The following UFC1 variants were observed in gnomAD, a reference collection of about 807,000 sequenced individuals.
UFC1 encodes ubiquitin-fold modifier-conjugating enzyme 1.
In UFC1, 22 loss-of-function variants were observed where a neutral mutation model predicts 28.0. The observed-to-expected ratio is 0.78, with a 90% CI of 0.56 to 1.12. The LOEUF is 1.12. Ranked by LOEUF, UFC1 falls within the 50% of genes most tolerant of loss-of-function variation. The probability of loss-of-function intolerance (pLI) is 0.00; values close to 1 mark genes in which losing one functional copy is unlikely to be tolerated. For missense variants in UFC1, 189 were observed against 207.8 expected, an observed-to-expected ratio of 0.91 and a Z score of 0.56; for synonymous variants, 61 against 74.5, an observed-to-expected ratio of 0.82 and a Z score of 0.93.
chr1:161,158,241 G>C, intron 5 of UFC1, 30 bp downstream of exon 5: 1 of 1,609,414 alleles, frequency 6.2e-7, no homozygotes, highest in Non-Finnish European at 8.5e-7. Flanking sequence ...CATAAAAGGA[G>C]AAAGAGGGAC....
chr1:161,157,335 G>A lies in UFC1; in HGVS notation c.255+18G>A, dbSNP rs1030535054. The A allele has an allele frequency of 1.2e-6, 2 of 1,613,980 alleles. No individual in the cohort carries two copies. The highest frequency in any genetic ancestry group is 1.3e-5 in the African/African-American group (1 of 74,920). On this transcript the variant is annotated intron_variant, in intron 3 of 5. Coordinates refer to ENST00000368003, the MANE Select transcript of UFC1 (RefSeq NM_016406.4). ...AGTTTGACGTGAGTGTGATAGAGTG[G>A]GAAATATGAAGGTTAGTAGAAGGGG...
Position 161,158,690 on chromosome 1 carries a change from C to T in UFC1, c.*198C>T. On this transcript the variant is annotated 3_prime_UTR_variant, in exon 6 of 6. Coordinates refer to ENST00000368003, the MANE Select transcript of UFC1 (RefSeq NM_016406.4). ...TACTGCTACTTAGTTTCTAAGGCTG[C>T]ACAGGGAAGGGAAAGACTGGGCTTT... 1.6e-6 allele frequency: 1 copy of T among 616,904 alleles called. No homozygotes were observed. The highest frequency in any genetic ancestry group is 2.9e-6 in the Non-Finnish European group (1 of 348,030). The allele number at this position is 616,904 out of a possible 1,614,324, so 38.2% of individuals were successfully genotyped here.
At chr1:161,156,605 G>A (rs561822439) in intron 1 of UFC1, among the ~76,000 whole-genome samples, 25 of 151,286 alleles carry the variant, frequency 1.7e-4, no homozygotes, top group Non-Finnish European at 2.9e-4. Flanking sequence ...ACTTTGGGAG[G>A]CCAAGGCAGG....
intron 1 of UFC1, 110 bp from the exon 2 acceptor site, chr1:161,156,840 C>A: frequency 3.0e-6 from 3 of 994,682 alleles, no homozygotes; most frequent in East Asian, 2.5e-5. Context: ...GAGATTCCAT[C>A]TCAATAAAAA....
At chr1:161,155,673 T>C (rs1657487927) in intron 1 of UFC1, among the ~76,000 whole-genome samples, 1 of 152,066 alleles carries the variant, frequency 6.6e-6, no homozygotes, top group Non-Finnish European at 1.5e-5. Context: ...GAGAGGTAGA[T>C]TTGTAGAATA....
intron 1 of UFC1, among the ~76,000 whole-genome samples, chr1:161,155,100 G>T (rs976873951): frequency 6.6e-6 from 1 of 152,202 alleles, no homozygotes; most frequent in Non-Finnish European, 1.5e-5. Context: ...TTATAATACA[G>T]TGTTTAAGTG....
At chr1:161,157,205 A>G (rs775935466) in intron 2 of UFC1, 49 bp from the exon 3 acceptor site, 2 of 1,609,864 alleles carry the variant, frequency 1.2e-6, no homozygotes, top group Non-Finnish European at 1.7e-6. Flanking sequence ...ATATCATTTG[A>G]GTACTGGAAG....
At chr1:161,154,153 A>G (rs1203150338) in intron 1 of UFC1, 33 bp downstream of exon 1, 5 of 1,612,896 alleles carry the variant, frequency 3.1e-6, no homozygotes, top group South Asian at 1.1e-5. Flanking sequence ...AACGCGTAGC[A>G]TAAGGGTTGG....
intron 1 of UFC1, 83 bp downstream of exon 1, chr1:161,154,203 G>A: frequency 6.4e-7 from 1 of 1,562,518 alleles, no homozygotes. Context: ...CCGTGTGGAA[G>A]CCGCTTCCGG....
chr1:161,158,307 G>T, intron 5 of UFC1, 96 bp downstream of exon 5: 1 of 1,566,494 alleles, frequency 6.4e-7, no homozygotes, highest in Middle Eastern at 1.7e-4. Context: ...TAACAGTGAT[G>T]TCCCTTAAGC....
intron 1 of UFC1, among the ~76,000 whole-genome samples, chr1:161,156,005 T>C (rs1474014993): frequency 6.6e-6 from 1 of 152,122 alleles, no homozygotes; most frequent in Non-Finnish European, 1.5e-5. Flanking sequence ...ACCAGGACTA[T>C]ATGAGGCTAG....
intron 3 of UFC1, 48 bp downstream of exon 3, chr1:161,157,365 A>T: frequency 6.2e-7 from 1 of 1,602,354 alleles, no homozygotes; most frequent in South Asian, 1.1e-5. Context: ...AAGGGGAGGG[A>T]TTAGATGATG....
At chr1:161,156,515 G>C (rs971047285) in intron 1 of UFC1, among the ~76,000 whole-genome samples, 3 of 134,922 alleles carry the variant, frequency 2.2e-5, no homozygotes, top group African/African-American at 8.5e-5. Context: ...CTCCAGTCTG[G>C]GTGACAGAGC....
chr1:161,156,934 C>A lies in UFC1; in HGVS notation c.124-16C>A. The stretch of plus-strand genomic sequence containing the variant: ...GCCCCAACTACTCTCTCAAAGACCT[C>A]ATTCTCTGCTTTCAGTATGTGGAGA... On this transcript the variant is annotated splice_polypyrimidine_tract_variant and intron_variant, in intron 1 of 5. Coordinates refer to ENST00000368003, the MANE Select transcript of UFC1 (RefSeq NM_016406.4). 6.2e-7 allele frequency: 1 copy of A among 1,613,584 alleles called. No individual in the cohort carries two copies. Among genetic ancestry groups the A allele is most frequent in the Non-Finnish European group, 8.5e-7 (1 of 1,179,526 alleles).
At chr1:161,154,470 C>T (rs1180536476) in intron 1 of UFC1, among the ~76,000 whole-genome samples, 2 of 151,940 alleles carry the variant, frequency 1.3e-5, no homozygotes, top group African/African-American at 2.4e-5. Flanking sequence ...TCTCTCTGCC[C>T]CCTTCTTCAC....
chr1:161,158,362 CAAG>C (rs774127166), intron 5 of UFC1, 47 bp from the exon 6 acceptor site: 22 of 1,602,760 alleles, frequency 1.4e-5, no homozygotes, highest in Non-Finnish European at 1.8e-5. Flanking sequence ...TCTAATGGAA[CAAG>C]AAGCATTGAC....
intron 1 of UFC1, among the ~76,000 whole-genome samples, chr1:161,155,537 C>A (rs1044841135): frequency 6.6e-6 from 1 of 152,102 alleles, no homozygotes; most frequent in Non-Finnish European, 1.5e-5. Flanking sequence ...TTAGATCAGT[C>A]ACATTGGCAA....
chr1:161,156,873 C>A, intron 1 of UFC1, 77 bp from the exon 2 acceptor site: 1 of 1,243,648 alleles, frequency 8.0e-7, no homozygotes, highest in Non-Finnish European at 1.1e-6. Context: ...AAAATAACCA[C>A]ATACTTTTCT....
intron 3 of UFC1, 78 bp from the exon 4 acceptor site, chr1:161,157,539 C>A: frequency 6.9e-7 from 1 of 1,455,324 alleles, no homozygotes; most frequent in Non-Finnish European, 9.6e-7. Flanking sequence ...TCAGTTTAAC[C>A]AAGAAATATG....
Sources: allele counts gnomAD v4.1 joint callset (sites outside exome capture counted in the v4.1 genomes callset), GRCh38; gene constraint gnomAD v4.1.1; transcripts MANE v1.5; gene names NCBI Gene and HGNC (gene_info 2026-07-23, HGNC 2026-07-21).